The following ZBTB17 variants were observed in gnomAD, a reference collection of about 807,000 sequenced individuals.
ZBTB17 encodes the protein zinc finger and BTB domain containing 17.
A neutral mutation model predicts 85.1 loss-of-function variants in ZBTB17; 24 were observed. That is an observed-to-expected ratio of 0.28 (90% CI 0.20 to 0.40). The LOEUF (loss-of-function observed/expected upper bound fraction) is 0.40, where lower values mean the gene tolerates loss of function less well. Among genes scored for constraint, ZBTB17 ranks in the 10% least tolerant of loss-of-function variants. ZBTB17 has a pLI of 1.00. For missense variants in ZBTB17, 743 were observed against 1,105.1 expected (o/e 0.67, Z 4.65); for synonymous variants, 464 against 460.2 (o/e 1.01, Z -0.11).
rs2071588242 is a variant in ZBTB17 at position 15,945,952 on chromosome 1, C to G, written c.536-112G>C. The G allele has an allele frequency of 4.5e-6, 7 of 1,549,442 alleles. No individual in the cohort carries two copies. The East Asian group carries it at 6.8e-5, about 15-fold the overall frequency. On this transcript the variant is annotated intron_variant, in intron 5 of 15. Coordinates refer to ENST00000375743, the MANE Select transcript of ZBTB17 (RefSeq NM_003443.3). ...TGCGTGTGACCCAGGAGGGGAGGCCCCAGCACACCCCTAGCCAAGGCTGTT... is the reference window on the plus strand; with the variant it reads ...TGCGTGTGACCCAGGAGGGGAGGCCGCAGCACACCCCTAGCCAAGGCTGTT...
intron 2 of ZBTB17, among the ~76,000 whole-genome samples, chr1:15,972,594 A>G (rs2072727097): frequency 6.6e-6 from 1 of 152,104 alleles, no homozygotes; most frequent in South Asian, 2.1e-4. Flanking sequence ...TGCCCTAGGG[A>G]GATCATACAT....
rs528314738 is a variant in ZBTB17 at position 15,951,811 on chromosome 1, G to A, written c.-2-3314C>T. On this transcript the variant is annotated intron_variant, in intron 2 of 15. Coordinates refer to ENST00000375743, the MANE Select transcript of ZBTB17 (RefSeq NM_003443.3). The surrounding 1 kb of genome is among the most constrained non-coding windows in gnomAD (Gnocchi z 4.1). ...AAAGGGTTTGGGAGCGAAGGGGTGT[G>A]CAGGTCCTAGGAACATATCCCCTCC... is the stretch of plus-strand genomic sequence containing the variant. 6.6e-6 allele frequency among the ~76,000 whole-genome samples: 1 copy of A among 152,240 alleles called. No homozygotes were observed. Among genetic ancestry groups the A allele is most frequent in the East Asian group, 1.9e-4 (1 of 5,178 alleles).
intron 2 of ZBTB17, among the ~76,000 whole-genome samples, chr1:15,970,933 C>G (rs905219825): frequency 1.3e-5 from 2 of 152,162 alleles, no homozygotes; most frequent in South Asian, 4.1e-4. Context: ...ACTGTGATAG[C>G]AACCTAGAGA....
intron 15 of ZBTB17, 26 bp downstream of exon 15, chr1:15,942,305 A>G (rs759548992): frequency 3.1e-6 from 5 of 1,613,914 alleles, no homozygotes; most frequent in Middle Eastern, 1.6e-4. Flanking sequence ...CTCTGCCCAC[A>G]TTCACACCCG....
chr1:15,946,362 C>A (rs528589044), intron 4 of ZBTB17, 68 bp from the exon 5 acceptor site: 2 of 1,571,036 alleles, frequency 1.3e-6, no homozygotes, highest in Non-Finnish European at 1.7e-6. Flanking sequence ...TGTGAGGTGG[C>A]CCAGAACTTG....
At chr1:15,957,751 T>A (rs1188081152) in intron 2 of ZBTB17, among the ~76,000 whole-genome samples, 1 of 152,138 alleles carries the variant, frequency 6.6e-6, no homozygotes, top group Non-Finnish European at 1.5e-5. Context: ...GGAATATGTT[T>A]TGGCAGAGCC....
At chr1:15,970,458 C>G (rs113503883) in intron 2 of ZBTB17, among the ~76,000 whole-genome samples, 8,875 of 150,620 alleles carry the variant, frequency 0.059, 313 homozygotes, top group South Asian at 0.16. Flanking sequence ...GTGGCGTGAT[C>G]TCAGCTCACT....
chr1:15,954,879 G>A (rs553814026), intron 2 of ZBTB17, among the ~76,000 whole-genome samples: 1 of 151,840 alleles, frequency 6.6e-6, no homozygotes, highest in East Asian at 1.9e-4. Context: ...TTCTGGCCAG[G>A]TGCGGTGGCT....
At chr1:15,974,200 AAAC>A (rs1206605144) in intron 1 of ZBTB17, among the ~76,000 whole-genome samples, 2 of 148,248 alleles carry the variant, frequency 1.3e-5, no homozygotes, top group Non-Finnish European at 3.0e-5. Context: ...CAAAAAAAAA[AAAC>A]AAAAACAAAA....
chr1:15,946,464 G>C (rs1354258866), intron 4 of ZBTB17, 170 bp from the exon 5 acceptor site: 1 of 1,026,408 alleles, frequency 9.7e-7, no homozygotes, highest in East Asian at 2.6e-5. Flanking sequence ...CCCACTCCAT[G>C]CCAGGCTGAT....
chr1:15,944,491 C>A lies in ZBTB17; in HGVS notation c.1180G>T (p.Asp394Tyr). ...HSGEARYRCE[D>Y]CGKLFTTSGN... ...GAGGTGGTGAAGAGCTTGCCGCAGT[C>A]CTCGCAGCGGTAGCGCGCCTCGCCC... Residue 394 changes from aspartate (D) to tyrosine (Y), a missense_variant, in exon 9 of 16, where the codon GAC (aspartate) becomes TAC (tyrosine). Around this residue, in one of 4 missense-constraint regions of ZBTB17, gnomAD observed 321 missense variants for 615.7 expected, o/e 0.52. Coordinates refer to ENST00000375743, the MANE Select transcript of ZBTB17 (RefSeq NM_003443.3). 1 of 1,579,890 alleles carries A rather than the reference C, an allele frequency of 6.3e-7. No individual in the cohort carries two copies. Among genetic ancestry groups the A allele is most frequent in the Non-Finnish European group, 8.6e-7 (1 of 1,164,996 alleles).
chr1:15,947,230 A>T (rs957843981), intron 3 of ZBTB17, 107 bp from the exon 4 acceptor site: 1 of 1,206,880 alleles, frequency 8.3e-7, no homozygotes, highest in Middle Eastern at 2.2e-4. Context: ...GGAACAGCTG[A>T]GTGGCAAGCC....
In ZBTB17 at chr1:15,963,362, T is replaced by G. The variant is rs76738434; in HGVS notation, c.-3+9677A>C. Reference sequence around the variant, plus strand: ...GAGGAGTTAAAAATAAAATAAAATGTATCAAAGAACTGATAGGTCAGTAAG... The same window carrying G: ...GAGGAGTTAAAAATAAAATAAAATGGATCAAAGAACTGATAGGTCAGTAAG... On this transcript the variant is annotated intron_variant, in intron 2 of 15. Transcript: ENST00000375743. Among the ~76,000 whole-genome samples the G allele has an allele frequency of 3.9e-5, 6 of 152,316 alleles. No individual in the cohort carries two copies. In the East Asian group the frequency reaches 9.6e-4, roughly 24 times the overall value.
At chr1:15,947,738 C>G (rs1028470163) in intron 3 of ZBTB17, among the ~76,000 whole-genome samples, 5 of 152,214 alleles carry the variant, frequency 3.3e-5, no homozygotes, top group African/African-American at 1.2e-4. Flanking sequence ...ATCTGACTGA[C>G]CTCCAGGCCA....
chr1:15,945,762 A>T lies in ZBTB17; in HGVS notation c.614T>A (p.Met205Lys). The T allele has an allele frequency of 6.2e-7, 1 of 1,606,570 alleles. No individual in the cohort carries two copies. The highest frequency in any genetic ancestry group is 1.1e-5 in the South Asian group (1 of 91,040). ...AGCGGCCTCAGCTTCTGCAGCAGCC[A>T]TGCCACTCGTGGGGTCTGGCTTGAG... ...VELKPDPTSG[M>K]AAAEAEAALS... Residue 205 changes from methionine to lysine, a missense_variant, in exon 6 of 16, where the codon ATG becomes AAG. Transcript: ENST00000375743.
rs2071565281 is a variant in ZBTB17, at chr1:15,945,625, CAGG to C, written c.661+87_661+89del. The C allele has an allele frequency of 1.0e-5, 16 of 1,552,972 alleles. 1 individual carries two copies. In the East Asian group the frequency reaches 1.1e-4, roughly 11 times the overall value. ...GACTCCAGGTGGGACTAGCTGGAGG[CAGG>C]AGGAGAGGGAGGCCCCAGTGCGCAG... On this transcript the variant is annotated intron_variant, in intron 6 of 15. Coordinates refer to ENST00000375743, the MANE Select transcript of ZBTB17 (RefSeq NM_003443.3).
rs1390764846 is a variant in ZBTB17 at position 15,951,410 on chromosome 1, C to G, written c.-2-2913G>C. 6.6e-6 allele frequency among the ~76,000 whole-genome samples: 1 copy of G among 152,084 alleles called. No individual in the cohort carries two copies. Among genetic ancestry groups the G allele is most frequent in the African/African-American group, 2.4e-5 (1 of 41,398 alleles). ...ACCAGTACAATCTGGGACTGGCCTCCCAGGGGTGCAAGAGCAGCTCGAGGG... is the reference window on the plus strand; with the variant it reads ...ACCAGTACAATCTGGGACTGGCCTCGCAGGGGTGCAAGAGCAGCTCGAGGG... On this transcript the variant is annotated intron_variant, in intron 2 of 15. Coordinates refer to ENST00000375743, the MANE Select transcript of ZBTB17 (RefSeq NM_003443.3). This position sits in a 1 kb window ranked among gnomAD's most constrained non-coding sequence, Gnocchi z 4.1.
chr1:15,944,667 C>G (rs541733002), intron 8 of ZBTB17, 30 bp downstream of exon 8: 7 of 1,603,212 alleles, frequency 4.4e-6, no homozygotes, highest in Middle Eastern at 3.4e-4. Context: ...CTGGCAGGGG[C>G]CGGGGTAGGA....
At chr1:15,943,939 GC>G (rs1270715391) in intron 9 of ZBTB17, 44 bp from the exon 10 acceptor site, 1 of 1,539,062 alleles carries the variant, frequency 6.5e-7, no homozygotes, top group South Asian at 1.2e-5. Context: ...ACAGAGCTCG[GC>G]CCCGGGCCCC....
Sources: allele counts gnomAD v4.1 joint callset (sites outside exome capture counted in the v4.1 genomes callset), GRCh38; gene constraint gnomAD v4.1.1; regional missense constraint gnomAD v4.1.1; non-coding constraint Gnocchi (gnomAD v3.1); transcripts MANE v1.5; gene names NCBI Gene and HGNC (gene_info 2026-07-23, HGNC 2026-07-21).